Variants in PRELID2 observed in about 807,000 individuals in gnomAD.
The protein encoded by PRELID2 is PRELI domain containing 2.
A neutral mutation model predicts 28.4 loss-of-function variants in PRELID2; 25 were observed. That is an observed-to-expected ratio of 0.88 (90% confidence interval 0.64 to 1.23). The LOEUF (loss-of-function observed/expected upper bound fraction) is 1.23. PRELID2 is among the 50% of genes most tolerant of loss of function. The pLI, the probability that PRELID2 is intolerant of heterozygous loss-of-function variation, is 0.00. For synonymous variants in PRELID2, 76 were observed against 71.6 expected, an observed-to-expected ratio of 1.06 and a Z score of -0.31; for missense variants, 201 against 214.4, an observed-to-expected ratio of 0.94 and a Z score of 0.39.
chr5:145,714,696 A>G (rs566017932), intron 1 of PRELID2, among the ~76,000 whole-genome samples: 1 of 152,308 alleles, frequency 6.6e-6, no homozygotes, highest in Admixed American at 6.5e-5. Context: ...TCGTAAGTTC[A>G]CAAGTCTCCT....
chr5:145,533,207 G>T (rs1339952056), intron 1 of PRELID2, among the ~76,000 whole-genome samples: 2 of 152,140 alleles, frequency 1.3e-5, no homozygotes, highest in East Asian at 3.9e-4. Context: ...GTGGGAATGG[G>T]ACAATGTAAA....
the PRELID2 span, among the ~76,000 whole-genome samples, chr5:145,442,153 T>C: frequency 6.6e-6 from 1 of 152,074 alleles, no homozygotes; most frequent in Non-Finnish European, 1.5e-5. Flanking sequence ...TTCAGCAAAA[T>C]AGATATTTTT....
intron 1 of PRELID2, among the ~76,000 whole-genome samples, chr5:145,655,333 T>C (rs563780547): frequency 6.6e-6 from 1 of 152,240 alleles, no homozygotes; most frequent in East Asian, 1.9e-4. Flanking sequence ...CCCAAGGTAA[T>C]TTATAGATTC....
chr5:145,616,240 G>T (rs773641318), intron 1 of PRELID2, among the ~76,000 whole-genome samples: 12 of 152,098 alleles, frequency 7.9e-5, no homozygotes, highest in Non-Finnish European at 1.5e-4. Context: ...TTTTGTGATG[G>T]GTCCCCCAGG....
chr5:145,551,302 G>A (rs1752831704), intron 1 of PRELID2, among the ~76,000 whole-genome samples: 1 of 152,070 alleles, frequency 6.6e-6, no homozygotes, highest in African/African-American at 2.4e-5. Flanking sequence ...TCGGGAGGCT[G>A]AGGCAGGAGA....
chr5:145,272,957 T>C, the PRELID2 span, among the ~76,000 whole-genome samples: 7 of 152,206 alleles, frequency 4.6e-5, no homozygotes, highest in Admixed American at 1.3e-4. Flanking sequence ...CCATGTTTCA[T>C]GGGCACAGAG....
chr5:145,724,718 T>C (rs1756094126), intron 1 of PRELID2, among the ~76,000 whole-genome samples: 1 of 135,214 alleles, frequency 7.4e-6, no homozygotes, highest in Non-Finnish European at 1.6e-5. Flanking sequence ...ACATATTACA[T>C]ATATAATATA....
the PRELID2 span, among the ~76,000 whole-genome samples, chr5:145,263,607 A>C: frequency 6.6e-6 from 1 of 152,072 alleles, no homozygotes; most frequent in Non-Finnish European, 1.5e-5. Flanking sequence ...CAAGAAAAGA[A>C]GAGGGAGGAT....
the PRELID2 span, among the ~76,000 whole-genome samples, chr5:145,265,355 C>T: frequency 3.3e-5 from 5 of 152,110 alleles, no homozygotes; most frequent in Admixed American, 6.6e-5. Flanking sequence ...CATGCTCACA[C>T]ATGGGTAGAA....
the PRELID2 span, among the ~76,000 whole-genome samples, chr5:145,303,965 G>A: frequency 9.9e-5 from 15 of 152,128 alleles, no homozygotes; most frequent in Non-Finnish European, 2.1e-4. Flanking sequence ...TGATAGAATC[G>A]GTGAAAATGG....
chr5:145,396,168 T>C, the PRELID2 span, among the ~76,000 whole-genome samples: 3 of 152,166 alleles, frequency 2.0e-5, no homozygotes, highest in Non-Finnish European at 2.9e-5. Flanking sequence ...GCTTTATATA[T>C]AATTAAGCAC....
the PRELID2 span, among the ~76,000 whole-genome samples, chr5:145,389,638 A>G: frequency 6.6e-6 from 1 of 152,200 alleles, no homozygotes; most frequent in Non-Finnish European, 1.5e-5. Context: ...ATGAATTGAA[A>G]TTAAAACTCG....
chr5:145,482,832 C>T (rs1429391053), intron 1 of PRELID2, among the ~76,000 whole-genome samples: 1 of 151,660 alleles, frequency 6.6e-6, no homozygotes, highest in Non-Finnish European at 1.5e-5. Flanking sequence ...TCTCATAAGA[C>T]TTATGCAACC....
chr5:145,444,846 A>C, the PRELID2 span, among the ~76,000 whole-genome samples: 1 of 152,076 alleles, frequency 6.6e-6, no homozygotes, highest in Admixed American at 6.6e-5. Flanking sequence ...TCATCTAAAG[A>C]GATAAAGAAT....
the PRELID2 span, among the ~76,000 whole-genome samples, chr5:145,264,019 T>C: frequency 6.6e-6 from 1 of 152,130 alleles, no homozygotes; most frequent in Non-Finnish European, 1.5e-5. Context: ...GCTTCCTGAA[T>C]AGTTGAGATT....
the PRELID2 span, among the ~76,000 whole-genome samples, chr5:145,255,650 G>A: frequency 2.0e-5 from 3 of 151,846 alleles, no homozygotes. Flanking sequence ...GCATGGTGGT[G>A]TGTACCTATA....
chr5:145,422,427 T>G, the PRELID2 span, among the ~76,000 whole-genome samples: 1 of 152,184 alleles, frequency 6.6e-6, no homozygotes, highest in Non-Finnish European at 1.5e-5. Flanking sequence ...CTGTATTGGG[T>G]GCATATATTT....
the PRELID2 span, among the ~76,000 whole-genome samples, chr5:145,382,447 A>G: frequency 1.2e-3 from 187 of 152,176 alleles, no homozygotes; most frequent in African/African-American, 4.3e-3. Flanking sequence ...AAATTTCTGA[A>G]AAAGATAATA....
At chr5:145,529,240 G>A (rs909173013) in intron 1 of PRELID2, among the ~76,000 whole-genome samples, 99 of 152,220 alleles carry the variant, frequency 6.5e-4, no homozygotes, top group Non-Finnish European at 2.4e-4. Flanking sequence ...CTTAATTACC[G>A]CTCTGTGCTA....
Sources: gnomAD v4.1 joint callset for allele counts (sites outside exome capture counted in the v4.1 genomes callset) on GRCh38, gnomAD v4.1.1 for gene constraint, MANE v1.5 for transcripts, NCBI Gene and HGNC (gene_info 2026-07-23, HGNC 2026-07-21) for gene names.